The following MBD5 variants were observed in gnomAD, a reference collection of about 807,000 sequenced individuals.
MBD5 encodes the protein methyl-CpG binding domain protein 5, also known as methyl-CpG-binding domain protein 5.
A neutral mutation model predicts 117.3 loss-of-function variants in MBD5; 13 were observed. The ratio of observed to expected loss-of-function variants is 0.11; its 90% CI spans 0.07 to 0.18. MBD5 has a LOEUF of 0.18. MBD5 is among the 10% of genes least tolerant of loss of function. The probability of loss-of-function intolerance (pLI) is 1.00; values close to 1 mark genes in which losing one functional copy is unlikely to be tolerated. For synonymous variants in MBD5, 727 were observed against 766.4 expected (o/e 0.95, Z 0.85); for missense variants, 1,879 against 2,093.8 (o/e 0.90, Z 2.00).
intron 4 of MBD5, among the ~76,000 whole-genome samples, chr2:148,431,431 TG>T (rs1224534025): frequency 6.6e-6 from 1 of 152,128 alleles, no homozygotes; most frequent in Non-Finnish European, 1.5e-5. Flanking sequence ...CGTGCAGGTT[TG>T]TTATACAGGT....
At chr2:148,483,033 A>G in intron 8 of MBD5, 77 bp from the exon 9 acceptor site, 4 of 1,486,122 alleles carry the variant, frequency 2.7e-6, no homozygotes, top group South Asian at 1.2e-5. Context: ...ATTTATGTTA[A>G]TGCATTTTTA....
chr2:148,483,409 A>G lies in MBD5; in HGVS notation c.2818A>G (p.Asn940Asp), dbSNP rs1681227378. The G allele has an allele frequency of 6.2e-7, 1 of 1,613,924 alleles. No homozygotes were observed. The highest frequency in any genetic ancestry group is 1.3e-5 in the African/African-American group (1 of 74,924). ...QQHLLNQNLLNILQPSAGEGK... is the reference protein window; with the variant it reads ...QQHLLNQNLLDILQPSAGEGK... Reference sequence around the variant, plus strand: ...GCATCTCCTAAACCAGAATCTATTAAATATCCTCCAGCCTTCAGCAGGAGA... The same window carrying G: ...GCATCTCCTAAACCAGAATCTATTAGATATCCTCCAGCCTTCAGCAGGAGA... The change falls in exon 9 of 14, where the codon AAT becomes GAT. Residue 940 changes from asparagine (N) to aspartate (D), a missense_variant. Asn to Asp is a conservative substitution (Grantham distance 23, BLOSUM62 1). Coordinates refer to ENST00000642680, the MANE Select transcript of MBD5 (RefSeq NM_001378120.1).
At chr2:148,103,957 T>A (rs529896745) in intron 1 of MBD5, among the ~76,000 whole-genome samples, 5 of 152,304 alleles carry the variant, frequency 3.3e-5, no homozygotes, top group East Asian at 3.9e-4. Flanking sequence ...GTATGGCATA[T>A]GTGTGCATGA....
intron 11 of MBD5, among the ~76,000 whole-genome samples, chr2:148,494,808 A>G (rs1016689806): frequency 3.9e-5 from 6 of 152,048 alleles, no homozygotes; most frequent in Non-Finnish European, 8.8e-5. Context: ...AAAAAATACA[A>G]AAGAATTAGC....
At chr2:148,302,912 T>C (rs778731008) in intron 3 of MBD5, among the ~76,000 whole-genome samples, 13 of 151,096 alleles carry the variant, frequency 8.6e-5, no homozygotes, top group Middle Eastern at 7.0e-3. Flanking sequence ...AAAAGTAAAA[T>C]GATATACCAC....
intron 4 of MBD5, among the ~76,000 whole-genome samples, chr2:148,417,965 G>T (rs750789261): frequency 6.6e-6 from 1 of 151,810 alleles, no homozygotes; most frequent in Non-Finnish European, 1.5e-5. Flanking sequence ...TCAGCCTCAC[G>T]AGTAGCTGAG....
At chr2:148,385,131 A>T (rs1308782121) in intron 4 of MBD5, among the ~76,000 whole-genome samples, 1 of 152,130 alleles carries the variant, frequency 6.6e-6, no homozygotes, top group Non-Finnish European at 1.5e-5. Flanking sequence ...ATCAAACTAA[A>T]GAGCTTGTGC....
chr2:148,350,060 CT>C (rs1703215555), intron 4 of MBD5, among the ~76,000 whole-genome samples: 1 of 151,908 alleles, frequency 6.6e-6, no homozygotes, highest in African/African-American at 2.4e-5. Flanking sequence ...AGGTTTGATT[CT>C]TCCTGGTATT....
intron 2 of MBD5, among the ~76,000 whole-genome samples, chr2:148,221,012 C>T (rs1357619113): frequency 6.6e-6 from 1 of 152,090 alleles, no homozygotes; most frequent in Admixed American, 6.6e-5. Context: ...TTTTAGATCT[C>T]ACACATAAGT....
At chr2:148,356,318 C>T (rs1703378663) in intron 4 of MBD5, among the ~76,000 whole-genome samples, 1 of 152,106 alleles carries the variant, frequency 6.6e-6, no homozygotes, top group Non-Finnish European at 1.5e-5. Flanking sequence ...TAAATAGCAA[C>T]TTCCCATGCC....
At chr2:148,345,404 CACATAT>C (rs1387897358) in intron 4 of MBD5, among the ~76,000 whole-genome samples, 6 of 134,328 alleles carry the variant, frequency 4.5e-5, no homozygotes, top group Non-Finnish European at 6.6e-5. Context: ...TACATATATA[CACATAT>C]ACATATACAT....
intron 3 of MBD5, among the ~76,000 whole-genome samples, chr2:148,271,398 A>G (rs1164045431): frequency 6.6e-6 from 1 of 152,144 alleles, no homozygotes; most frequent in Non-Finnish European, 1.5e-5. Flanking sequence ...TTACTTTTGA[A>G]TGTTTGATTT....
At chr2:148,421,808 G>A (rs909477486) in intron 4 of MBD5, among the ~76,000 whole-genome samples, 1 of 152,200 alleles carries the variant, frequency 6.6e-6, no homozygotes, top group Non-Finnish European at 1.5e-5. Flanking sequence ...TGTAAACAAA[G>A]CTGCCAGGAA....
At chr2:148,427,026 A>G (rs1705815325) in intron 4 of MBD5, among the ~76,000 whole-genome samples, 1 of 152,236 alleles carries the variant, frequency 6.6e-6, no homozygotes, top group Non-Finnish European at 1.5e-5. Context: ...GAAGACATTT[A>G]TGCAGCCAAA....
At position 148,146,677 on chromosome 2, in the gene MBD5, T is replaced by C. The variant is rs958497308; in HGVS notation, c.-924-32023T>C. Among the ~76,000 whole-genome samples, 5 of 152,186 alleles carry C rather than the reference T, an allele frequency of 3.3e-5. No homozygotes were observed. In the South Asian group the frequency reaches 6.2e-4, roughly 19 times the overall value. ...TGTATTTGGGAGCTATTTAAAAAAA[T>C]TATTATTACTGCCCCTTTCTGTTGC... On this transcript the variant is annotated intron_variant, in intron 1 of 13. Coordinates refer to ENST00000642680, the MANE Select transcript of MBD5 (RefSeq NM_001378120.1).
At chr2:148,173,284 A>G (rs367825794) in intron 1 of MBD5, among the ~76,000 whole-genome samples, 1 of 151,830 alleles carries the variant, frequency 6.6e-6, no homozygotes, top group Admixed American at 6.6e-5. Flanking sequence ...CTGTGTTCCC[A>G]GGTGTCTCCG....
At chr2:148,172,400 G>A (rs992634353) in intron 1 of MBD5, among the ~76,000 whole-genome samples, 14 of 152,196 alleles carry the variant, frequency 9.2e-5, no homozygotes, top group African/African-American at 1.7e-4. Flanking sequence ...GTGCATGCTC[G>A]GGGCTGTGCA....
chr2:148,403,433 A>G (rs10199369), intron 4 of MBD5, among the ~76,000 whole-genome samples: 79,734 of 151,964 alleles, frequency 0.52, 21,132 homozygotes, highest in East Asian at 0.75. Flanking sequence ...ACCCTCCTTG[A>G]TCTCCCAAAG....
intron 3 of MBD5, among the ~76,000 whole-genome samples, chr2:148,267,832 C>T (rs1700892489): frequency 6.6e-6 from 1 of 152,016 alleles, no homozygotes; most frequent in Non-Finnish European, 1.5e-5. Context: ...AAGAATCAAT[C>T]TTATTCCCAC....
Sources: gnomAD v4.1 joint callset for allele counts (sites outside exome capture counted in the v4.1 genomes callset) on GRCh38, gnomAD v4.1.1 for gene constraint, MANE v1.5 for transcripts, NCBI Gene and HGNC (gene_info 2026-07-23, HGNC 2026-07-21) for gene names.